The following MSRA variants were observed in gnomAD, a reference collection of about 807,000 sequenced individuals.
MSRA encodes the protein mitochondrial peptide methionine sulfoxide reductase.
Under a neutral mutation model 31.3 loss-of-function variants are expected in MSRA, and 54 were observed. The ratio of observed to expected loss-of-function variants is 1.73; its 90% confidence interval spans 1.39 to 2.17. MSRA has a LOEUF of 2.17. Among genes scored for constraint, MSRA ranks in the 30% most tolerant of loss-of-function variants. The pLI, the probability that MSRA is intolerant of heterozygous loss-of-function variation, is 0.00. For synonymous variants in MSRA, 169 were observed against 116.5 expected, an observed-to-expected ratio of 1.45 and a Z score of -2.90; for missense variants, 507 against 300.9, an observed-to-expected ratio of 1.69 and a Z score of -5.07.
intron 1 of MSRA, among the ~76,000 whole-genome samples, chr8:10,089,233 G>A (rs748517391): frequency 8.6e-5 from 13 of 152,016 alleles, no homozygotes; most frequent in Non-Finnish European, 1.3e-4. Flanking sequence ...TATGCATCCC[G>A]TATCATCACG....
intron 2 of MSRA, among the ~76,000 whole-genome samples, chr8:10,232,670 A>G (rs1365454584): frequency 6.6e-6 from 1 of 152,240 alleles, no homozygotes; most frequent in Non-Finnish European, 1.5e-5. Context: ...ATGAGAACCC[A>G]AATCTTAAGG....
chr8:10,347,443 A>G (rs1803851318), intron 5 of MSRA, among the ~76,000 whole-genome samples: 1 of 152,136 alleles, frequency 6.6e-6, no homozygotes. Context: ...AAGTCCCACC[A>G]TGCTCACAAA....
intron 1 of MSRA, among the ~76,000 whole-genome samples, chr8:10,139,389 A>C (rs1802514393): frequency 6.6e-6 from 1 of 152,004 alleles, no homozygotes; most frequent in Non-Finnish European, 1.5e-5. Context: ...TTTTATACTA[A>C]ATTCGGGGGC....
chr8:10,106,536 G>T (rs1484975302), intron 1 of MSRA, among the ~76,000 whole-genome samples: 1 of 152,182 alleles, frequency 6.6e-6, no homozygotes, highest in Non-Finnish European at 1.5e-5. Context: ...ATCTAAGTCA[G>T]TGCAACTCTG....
chr8:10,426,311 G>A (rs1809160420), intron 5 of MSRA, among the ~76,000 whole-genome samples: 1 of 152,218 alleles, frequency 6.6e-6, no homozygotes, highest in Non-Finnish European at 1.5e-5. Flanking sequence ...TTCTACAGAA[G>A]GAATTCGGTG....
intron 2 of MSRA, among the ~76,000 whole-genome samples, chr8:10,239,822 G>A (rs552259904): frequency 1.8e-4 from 27 of 152,318 alleles, no homozygotes; most frequent in Non-Finnish European, 3.1e-4. Flanking sequence ...TTCCAAACAC[G>A]TGTATTATTC....
intron 1 of MSRA, among the ~76,000 whole-genome samples, chr8:10,170,538 T>G (rs1805502271): frequency 6.6e-6 from 1 of 152,168 alleles, no homozygotes; most frequent in South Asian, 2.1e-4. Context: ...CATCAGTGGA[T>G]TCAACGAAAC....
At chr8:10,187,575 C>A (rs1454235046) in intron 1 of MSRA, among the ~76,000 whole-genome samples, 1 of 152,128 alleles carries the variant, frequency 6.6e-6, no homozygotes, top group African/African-American at 2.4e-5. Flanking sequence ...CAAACTGAGG[C>A]CTGGAAATCT....
At chr8:10,110,207 C>G (rs1221992834) in intron 1 of MSRA, among the ~76,000 whole-genome samples, 2 of 152,158 alleles carry the variant, frequency 1.3e-5, no homozygotes, top group Non-Finnish European at 2.9e-5. Flanking sequence ...CTTTGTGAAG[C>G]TGGGTTTGAA....
At chr8:10,394,636 A>G (rs1806980554) in intron 5 of MSRA, among the ~76,000 whole-genome samples, 1 of 152,236 alleles carries the variant, frequency 6.6e-6, no homozygotes. Flanking sequence ...ACCTGCAGTC[A>G]CAGCTGCTGA....
intron 5 of MSRA, among the ~76,000 whole-genome samples, chr8:10,418,000 C>T (rs983599273): frequency 6.6e-6 from 1 of 152,236 alleles, no homozygotes; most frequent in Admixed American, 6.5e-5. Context: ...GCTGTGCTGG[C>T]TCCCGGACAG....
intron 5 of MSRA, among the ~76,000 whole-genome samples, chr8:10,390,695 G>C (rs1325834914): frequency 6.6e-6 from 1 of 152,120 alleles, no homozygotes; most frequent in African/African-American, 2.4e-5. Flanking sequence ...TTGTTTCTGT[G>C]TGTATTACCT....
chr8:10,336,432 T>G (rs1457067801), intron 5 of MSRA, among the ~76,000 whole-genome samples: 1 of 151,898 alleles, frequency 6.6e-6, no homozygotes, highest in Non-Finnish European at 1.5e-5. Context: ...AAAAAAAATT[T>G]TAATCCTTTT....
intron 4 of MSRA, among the ~76,000 whole-genome samples, chr8:10,315,368 A>G (rs1224045349): frequency 2.0e-5 from 3 of 152,228 alleles, no homozygotes; most frequent in African/African-American, 4.8e-5. Context: ...ATTGTCATCA[A>G]TAGAGACACA....
intron 5 of MSRA, among the ~76,000 whole-genome samples, chr8:10,383,094 A>G (rs546656670): frequency 5.1e-4 from 77 of 152,322 alleles, no homozygotes; most frequent in East Asian, 1.9e-3. Flanking sequence ...TTGGGTAAAC[A>G]TCTGAGGCTC....
intron 4 of MSRA, among the ~76,000 whole-genome samples, chr8:10,310,919 C>G (rs1801399890): frequency 6.6e-6 from 1 of 152,144 alleles, no homozygotes; most frequent in African/African-American, 2.4e-5. Flanking sequence ...TAAGGATTTG[C>G]AAGATGAAGA....
At chr8:10,124,556 T>C (rs996078341) in intron 1 of MSRA, among the ~76,000 whole-genome samples, 1 of 152,250 alleles carries the variant, frequency 6.6e-6, no homozygotes, top group Non-Finnish European at 1.5e-5. Context: ...CTTGCTCCTA[T>C]GATTCTACTT....
At chr8:10,110,800 C>T (rs1483702748) in intron 1 of MSRA, among the ~76,000 whole-genome samples, 1 of 152,148 alleles carries the variant, frequency 6.6e-6, no homozygotes, top group Non-Finnish European at 1.5e-5. Flanking sequence ...TCTCCTTTAA[C>T]CTTTTGGGGT....
chr8:10,136,899 C>T (rs915453951), intron 1 of MSRA, among the ~76,000 whole-genome samples: 1 of 152,224 alleles, frequency 6.6e-6, no homozygotes, highest in African/African-American at 2.4e-5. Flanking sequence ...CAGTGTCCAC[C>T]CTGCTGTCTG....
Sources: gnomAD v4.1 joint callset for allele counts (sites outside exome capture counted in the v4.1 genomes callset) on GRCh38, gnomAD v4.1.1 for gene constraint, MANE v1.5 for transcripts, NCBI Gene and HGNC (gene_info 2026-07-23, HGNC 2026-07-21) for gene names.